FYCO1: variants seen among roughly 807,000 people sequenced by gnomAD.
FYCO1 encodes the protein FYVE and coiled-coil domain-containing protein 1.
FYCO1 carries 122 observed loss-of-function variants against 165.1 expected under a neutral mutation model. The observed-to-expected ratio is 0.74, with a 90% CI of 0.64 to 0.86. FYCO1 has a LOEUF of 0.86. Ranked by LOEUF, FYCO1 falls within the 40% of genes least tolerant of loss-of-function variation. FYCO1 has a pLI of 0.00. For missense variants in FYCO1, 1,702 were observed against 1,810.3 expected (o/e 0.94, Z 1.09); for synonymous variants, 648 against 742.5 (o/e 0.87, Z 2.07).
chr3:45,929,062 C>T (rs1269698177), intron 16 of FYCO1, among the ~76,000 whole-genome samples: 3 of 152,226 alleles, frequency 2.0e-5, no homozygotes, highest in Admixed American at 6.5e-5. Context: ...GGAGTGCACT[C>T]GGGGAGTCCC....
rs1559456938 is a variant in FYCO1 at position 45,962,419 on chromosome 3, G to C, written c.3270-27C>G. ...TGGGGGAGGAGTGGTAAGTTTTCTT[G>C]ATTAGCCAGGACTTCCAGCTTTCCC... On this transcript the variant is annotated intron_variant, in intron 10 of 17. Transcript: ENST00000296137. The surrounding 1 kb of genome is among the most constrained non-coding windows in gnomAD (Gnocchi z 4.4). 1 of 1,609,874 alleles carries C rather than the reference G, an allele frequency of 6.2e-7. No homozygotes were observed. Among genetic ancestry groups the C allele is most frequent in the Admixed American group, 1.7e-5 (1 of 60,024 alleles).
intron 16 of FYCO1, among the ~76,000 whole-genome samples, chr3:45,929,634 A>C (rs1703495342): frequency 6.6e-6 from 1 of 152,136 alleles, no homozygotes; most frequent in Non-Finnish European, 1.5e-5. Flanking sequence ...GGGGCTCAGA[A>C]CTGCTCAAGA....
At chr3:45,994,283 C>T (rs1707693555) in intron 1 of FYCO1, among the ~76,000 whole-genome samples, 1 of 151,748 alleles carries the variant, frequency 6.6e-6, no homozygotes, top group Non-Finnish European at 1.5e-5. Flanking sequence ...CCATACAATC[C>T]TTTCAGTGAT....
intron 4 of FYCO1, among the ~76,000 whole-genome samples, chr3:45,976,965 T>A (rs1706790667): frequency 6.6e-6 from 1 of 152,178 alleles, no homozygotes; most frequent in Non-Finnish European, 1.5e-5. Flanking sequence ...ATTGGCTTTA[T>A]AAAAACCACC....
intron 14 of FYCO1, among the ~76,000 whole-genome samples, chr3:45,948,672 G>A (rs1365652935): frequency 2.0e-5 from 3 of 152,176 alleles, no homozygotes; most frequent in African/African-American, 7.2e-5. Context: ...TTGGGCTTAT[G>A]TATCCCAAAA....
chr3:45,986,388 T>G (rs1707319148), intron 1 of FYCO1, among the ~76,000 whole-genome samples: 1 of 151,614 alleles, frequency 6.6e-6, no homozygotes, highest in Admixed American at 6.6e-5. Context: ...GCTCCAGGAG[T>G]CCAGGCAAGC....
chr3:45,964,314 A>G lies in FYCO1; in HGVS notation c.3269+22T>C, dbSNP rs2125845809. 1.3e-6 allele frequency: 2 copies of G among 1,546,566 alleles called. No individual in the cohort carries two copies. The highest frequency in any genetic ancestry group is 1.8e-6 in the Non-Finnish European group (2 of 1,118,388). ...CCTTCCCTGAAGACTACCGACAGCT[A>G]CGTAGGTGGACTGTGACTAACCTTT... On this transcript the variant is annotated intron_variant, in intron 10 of 17. Coordinates refer to ENST00000296137, the MANE Select transcript of FYCO1 (RefSeq NM_024513.4). The surrounding 1 kb of genome is among the most constrained non-coding windows in gnomAD (Gnocchi z 4.1).
chr3:45,981,472 T>C (rs1707051777), intron 3 of FYCO1, 98 bp downstream of exon 3: 4 of 807,408 alleles, frequency 5.0e-6, no homozygotes, highest in Non-Finnish European at 6.4e-6. Flanking sequence ...TACTGGCTCC[T>C]TGGGCTTTCT....
intron 14 of FYCO1, among the ~76,000 whole-genome samples, chr3:45,944,282 T>C (rs898957971): frequency 1.3e-5 from 2 of 152,104 alleles, no homozygotes; most frequent in African/African-American, 4.8e-5. Flanking sequence ...AAGGAGTTTA[T>C]GGTCAAAAAA....
At chr3:45,991,755 C>A (rs1023145145) in intron 1 of FYCO1, among the ~76,000 whole-genome samples, 3 of 152,212 alleles carry the variant, frequency 2.0e-5, no homozygotes, top group Admixed American at 6.5e-5. Flanking sequence ...CTAACCCAAA[C>A]CTCCTGTCAG....
At chr3:45,938,994 T>C (rs1297345038) in intron 14 of FYCO1, among the ~76,000 whole-genome samples, 1 of 152,202 alleles carries the variant, frequency 6.6e-6, no homozygotes, top group Non-Finnish European at 1.5e-5. Flanking sequence ...TTCCTTTCCT[T>C]GCTATTGAGG....
intron 15 of FYCO1, among the ~76,000 whole-genome samples, chr3:45,931,653 GA>G (rs1315837020): frequency 6.6e-6 from 1 of 152,230 alleles, no homozygotes; most frequent in Non-Finnish European, 1.5e-5. Context: ...CTGCTCTCCT[GA>G]AGATGCCCTG....
intron 14 of FYCO1, among the ~76,000 whole-genome samples, chr3:45,949,906 G>A (rs1030438079): frequency 6.6e-6 from 1 of 152,174 alleles, no homozygotes; most frequent in Admixed American, 6.5e-5. Context: ...GCCACTCTTT[G>A]GAGTAGATGT....
At chr3:45,927,665 T>G (rs921606951) in intron 16 of FYCO1, among the ~76,000 whole-genome samples, 4 of 152,234 alleles carry the variant, frequency 2.6e-5, no homozygotes, top group Non-Finnish European at 5.9e-5. Context: ...ATTAATATTC[T>G]ATCACATTCT....
At position 45,934,144 on chromosome 3, in the gene FYCO1, A is replaced by G. The variant is rs527470949; in HGVS notation, c.4040+2304T>C. Among the ~76,000 whole-genome samples the G allele has an allele frequency of 3.3e-5, 5 of 152,360 alleles. No individual in the cohort carries two copies. The East Asian group carries it at 9.6e-4, about 29-fold the overall frequency. On this transcript the variant is annotated intron_variant, in intron 15 of 17. Coordinates refer to ENST00000296137, the MANE Select transcript of FYCO1 (RefSeq NM_024513.4). ...AAAAAGAACAGAGCCTGAGGAATCT[A>G]CAAGGCAAGGACAAAAGATCTCACA... is the stretch of plus-strand genomic sequence containing the variant.
At chr3:45,956,556 TA>T (rs1705341948) in intron 13 of FYCO1, among the ~76,000 whole-genome samples, 1 of 150,014 alleles carries the variant, frequency 6.7e-6, no homozygotes, top group Non-Finnish European at 1.5e-5. Flanking sequence ...GGCCCTGCTT[TA>T]GAAGTGAAGT....
chr3:45,962,540 C>T lies in FYCO1; in HGVS notation c.3270-148G>A. ...ATCTGCTCACAGCTTATGCAGTCCC[C>T]TAGCTTTTGAGACTCTCCTCTCACC... On this transcript the variant is annotated intron_variant, in intron 10 of 17. Coordinates refer to ENST00000296137, the MANE Select transcript of FYCO1 (RefSeq NM_024513.4). This position sits in a 1 kb window ranked among gnomAD's most constrained non-coding sequence, Gnocchi z 4.4. 3 of 750,392 alleles carry T rather than the reference C, an allele frequency of 4.0e-6. No individual in the cohort carries two copies. The highest frequency in any genetic ancestry group is 7.0e-6 in the Non-Finnish European group (3 of 426,738). 46.5% of individuals were successfully genotyped at this position (750,392 alleles called of 1,614,324 possible).
At chr3:45,954,354 C>A (rs1001474123) in intron 14 of FYCO1, among the ~76,000 whole-genome samples, 167 of 152,292 alleles carry the variant, frequency 1.1e-3, no homozygotes, top group African/African-American at 3.3e-3. Context: ...CTGATGCGTT[C>A]CCTGACAGTA....
intron 16 of FYCO1, among the ~76,000 whole-genome samples, chr3:45,927,666 A>G (rs1703386956): frequency 6.6e-6 from 1 of 152,180 alleles, no homozygotes. Flanking sequence ...TTAATATTCT[A>G]TCACATTCTA....
Sources: gnomAD v4.1 joint callset for allele counts (sites outside exome capture counted in the v4.1 genomes callset) on GRCh38, gnomAD v4.1.1 for gene constraint, Gnocchi (gnomAD v3.1) non-coding constraint, MANE v1.5 for transcripts, NCBI Gene and HGNC (gene_info 2026-07-23, HGNC 2026-07-21) for gene names.